Variants in SERGEF observed in about 807,000 individuals in gnomAD.
SERGEF encodes the protein secretion-regulating guanine nucleotide exchange factor.
Under a neutral mutation model 50.0 loss-of-function variants are expected in SERGEF, and 51 were observed. That is an observed-to-expected ratio of 1.02 (90% CI 0.81 to 1.29). The LOEUF (loss-of-function observed/expected upper bound fraction) is 1.29, where lower values mean the gene tolerates loss of function less well. Among genes scored for constraint, SERGEF ranks in the 50% most tolerant of loss-of-function variants. The pLI is 0.00. For synonymous variants in SERGEF, 205 were observed against 212.4 expected, an observed-to-expected ratio of 0.97 and a Z score of 0.30; for missense variants, 521 against 557.0, an observed-to-expected ratio of 0.94 and a Z score of 0.65.
intron 9 of SERGEF, among the ~76,000 whole-genome samples, chr11:17,906,087 A>G (rs1370966846): frequency 6.6e-6 from 1 of 151,602 alleles, no homozygotes; most frequent in Non-Finnish European, 1.5e-5. Context: ...TGGCATAACC[A>G]CTCATTCCTT....
chr11:17,999,532 A>C (rs1349412114), intron 5 of SERGEF: 1 of 455,390 alleles, frequency 2.2e-6, no homozygotes, highest in Non-Finnish European at 4.4e-6. Context: ...TGGACTCACG[A>C]AGCACCTGAG....
chr11:17,833,931 C>T (rs1391002086), intron 10 of SERGEF, among the ~76,000 whole-genome samples: 2 of 152,158 alleles, frequency 1.3e-5, no homozygotes, highest in Non-Finnish European at 2.9e-5. Flanking sequence ...TGCCTGGTCT[C>T]GGATGAGACT....
intron 9 of SERGEF, among the ~76,000 whole-genome samples, chr11:17,925,439 A>G (rs139935813): frequency 6.6e-6 from 1 of 152,332 alleles, no homozygotes; most frequent in Non-Finnish European, 1.5e-5. Flanking sequence ...GGAAGAGAAG[A>G]AGAAAAGAAG....
At chr11:17,867,334 T>C (rs1335924460) in intron 10 of SERGEF, among the ~76,000 whole-genome samples, 1 of 152,270 alleles carries the variant, frequency 6.6e-6, no homozygotes, top group Non-Finnish European at 1.5e-5. Context: ...ACAGGCCCCA[T>C]GCAAGTCCAA....
chr11:17,839,269 C>G lies in SERGEF; in HGVS notation c.1048+38939G>C, dbSNP rs1291968864. On this transcript the variant is annotated intron_variant, in intron 10 of 10. Coordinates refer to ENST00000265965, the MANE Select transcript of SERGEF (RefSeq NM_012139.4). The stretch of plus-strand genomic sequence containing the variant: ...ATGCTTGCCCCAACAAAAACCTAGT[C>G]TGTATCCTCTTAATGCTCCCCATGA... Among the ~76,000 whole-genome samples, 3 of 152,200 alleles carry G rather than the reference C, an allele frequency of 2.0e-5. No individual in the cohort carries two copies. In the East Asian group the frequency reaches 5.8e-4, roughly 29 times the overall value.
At chr11:17,826,379 T>C (rs1212422178) in intron 10 of SERGEF, among the ~76,000 whole-genome samples, 1 of 152,210 alleles carries the variant, frequency 6.6e-6, no homozygotes, top group Non-Finnish European at 1.5e-5. Context: ...CCGCAACTGG[T>C]ATAGACTTTT....
intron 9 of SERGEF, among the ~76,000 whole-genome samples, chr11:17,949,236 A>G (rs957780032): frequency 2.6e-5 from 4 of 152,146 alleles, no homozygotes; most frequent in Non-Finnish European, 5.9e-5. Flanking sequence ...GGCAAAGAAG[A>G]GGCTGGAGCC....
chr11:17,845,025 G>T (rs554954822), intron 10 of SERGEF, among the ~76,000 whole-genome samples: 1 of 152,146 alleles, frequency 6.6e-6, no homozygotes, highest in Non-Finnish European at 1.5e-5. Context: ...CTCGCTGCCC[G>T]TGGGTTAGCA....
At chr11:17,940,644 G>A (rs1194414244) in intron 9 of SERGEF, among the ~76,000 whole-genome samples, 6 of 151,834 alleles carry the variant, frequency 4.0e-5, no homozygotes, top group South Asian at 2.1e-4. Context: ...TATGATCATC[G>A]CTCACTGCAG....
At chr11:17,973,592 C>T (rs373571081) in intron 8 of SERGEF, among the ~76,000 whole-genome samples, 4 of 152,236 alleles carry the variant, frequency 2.6e-5, no homozygotes, top group African/African-American at 9.6e-5. Context: ...TTGTGGTCAA[C>T]CAGTGAGAAC....
chr11:17,864,380 G>A (rs536287304), intron 10 of SERGEF, among the ~76,000 whole-genome samples: 3 of 152,120 alleles, frequency 2.0e-5, no homozygotes, highest in Non-Finnish European at 2.9e-5. Context: ...TATAAATGTC[G>A]CTTCTTTAGG....
intron 10 of SERGEF, among the ~76,000 whole-genome samples, chr11:17,864,230 C>T (rs1201136691): frequency 6.6e-6 from 1 of 152,182 alleles, no homozygotes; most frequent in South Asian, 2.1e-4. Flanking sequence ...TAAAAAGGAC[C>T]AGAGCATTGT....
intron 9 of SERGEF, among the ~76,000 whole-genome samples, chr11:17,903,587 A>T (rs1851785849): frequency 6.6e-6 from 1 of 152,244 alleles, no homozygotes; most frequent in Non-Finnish European, 1.5e-5. Context: ...CTGGGCAGCA[A>T]GCAATGGAAG....
intron 9 of SERGEF, among the ~76,000 whole-genome samples, chr11:17,936,895 A>G (rs1331252716): frequency 1.3e-5 from 2 of 152,204 alleles, no homozygotes; most frequent in Non-Finnish European, 2.9e-5. Flanking sequence ...GCCTTTTAAA[A>G]GTCTGTATCT....
chr11:18,006,588 C>T lies in SERGEF; in HGVS notation c.352+3G>A, dbSNP rs1280766880. 6.2e-7 allele frequency: 1 copy of T among 1,613,512 alleles called. No homozygotes were observed. Among genetic ancestry groups the T allele is most frequent in the Admixed American group, 1.7e-5 (1 of 59,894 alleles). On this transcript the variant is annotated splice_donor_region_variant and intron_variant, in intron 3 of 10. Transcript: ENST00000265965. ...ACAAAAATCTACCTAGGAGTGAACT[C>T]ACCTGTGAGCATAATCGTAAAATCC...
intron 10 of SERGEF, among the ~76,000 whole-genome samples, chr11:17,826,338 T>C (rs1850195352): frequency 6.6e-6 from 1 of 152,232 alleles, no homozygotes; most frequent in Non-Finnish European, 1.5e-5. Flanking sequence ...TTGACACTAA[T>C]TTTGTAACCA....
Position 17,908,879 on chromosome 11 carries a change from G to A in SERGEF, c.1012-30635C>T, listed in dbSNP as rs187758662. ...GCTCTAGCAAAGGGAAATGGATAGG[G>A]TTCCGTCATCAGCATGAGAAGCCAC... On this transcript the variant is annotated intron_variant, in intron 9 of 10. Transcript: ENST00000265965. Among the ~76,000 whole-genome samples, 61 of 152,298 alleles carry A rather than the reference G, an allele frequency of 4.0e-4. 2 individuals are homozygous for A. The East Asian group carries it at 8.3e-3, about 21-fold the overall frequency.
chr11:18,010,810 C>T (rs140348055), intron 1 of SERGEF, among the ~76,000 whole-genome samples: 4 of 152,228 alleles, frequency 2.6e-5, no homozygotes, highest in East Asian at 3.9e-4. Context: ...ATTTATATGG[C>T]GAATGAATGT....
intron 10 of SERGEF, among the ~76,000 whole-genome samples, chr11:17,800,094 T>G (rs994304859): frequency 6.6e-6 from 1 of 152,206 alleles, no homozygotes; most frequent in Admixed American, 6.5e-5. Context: ...TAAAAATTAT[T>G]ACAATACAAA....
Sources: gnomAD v4.1 joint callset for allele counts (sites outside exome capture counted in the v4.1 genomes callset) on GRCh38, gnomAD v4.1.1 for gene constraint, MANE v1.5 for transcripts, NCBI Gene and HGNC (gene_info 2026-07-23, HGNC 2026-07-21) for gene names.